Variants in MACC1 observed in about 807,000 individuals in gnomAD.
MACC1 encodes metastasis-associated in colon cancer protein 1.
In MACC1, 79 loss-of-function variants were observed where a neutral mutation model predicts 70.7. That is an observed-to-expected ratio of 1.12 (90% CI 0.93 to 1.35). The LOEUF (loss-of-function observed/expected upper bound fraction) is 1.35. Among genes scored for constraint, MACC1 ranks in the 40% most tolerant of loss-of-function variants. The pLI, the probability that MACC1 is intolerant of heterozygous loss-of-function variation, is 0.00. For synonymous variants in MACC1, 361 were observed against 347.2 expected (o/e 1.04, Z -0.44); for missense variants, 1,106 against 978.1 (o/e 1.13, Z -1.74).
At chr7:20,144,573 T>C (rs979390124) in intron 6 of MACC1, among the ~76,000 whole-genome samples, 3 of 152,160 alleles carry the variant, frequency 2.0e-5, no homozygotes, top group Admixed American at 6.5e-5. Flanking sequence ...CCTCATGATG[T>C]ATCTGGCATA....
chr7:20,171,364 G>A (rs936861116), intron 1 of MACC1, among the ~76,000 whole-genome samples: 9 of 150,990 alleles, frequency 6.0e-5, no homozygotes, highest in Admixed American at 2.0e-4. Context: ...CCATTTTCCT[G>A]CCTCAGCCTC....
At chr7:20,197,597 A>C (rs942644942) in intron 1 of MACC1, among the ~76,000 whole-genome samples, 1 of 152,230 alleles carries the variant, frequency 6.6e-6, no homozygotes, top group Non-Finnish European at 1.5e-5. Flanking sequence ...CCTACTCACA[A>C]TAAACTTGGA....
At chr7:20,154,442 A>C in intron 5 of MACC1, 61 bp from the exon 6 acceptor site, 1 of 1,498,808 alleles carries the variant, frequency 6.7e-7, no homozygotes. Context: ...CTCTCTATAA[A>C]TTGGAATTTT....
chr7:20,165,694 AT>A (rs34149819), intron 2 of MACC1, among the ~76,000 whole-genome samples: 45 of 148,988 alleles, frequency 3.0e-4, no homozygotes, highest in East Asian at 5.9e-4. Flanking sequence ...CCAAAACAGG[AT>A]TTTTTTTTTT....
At chr7:20,174,696 A>G (rs552274740) in intron 1 of MACC1, among the ~76,000 whole-genome samples, 2 of 152,276 alleles carry the variant, frequency 1.3e-5, no homozygotes, top group African/African-American at 4.8e-5. Context: ...TAAAAAGGAA[A>G]ATATAAAGCA....
Position 20,161,847 on chromosome 7 carries a change from T to C in MACC1, c.16A>G (p.Arg6Gly). The change falls in exon 4 of 7, where the codon AGA becomes GGA. Residue 6 changes from arginine to glycine, a missense_variant. Physicochemically the swap from Arg to Gly is moderately radical, Grantham distance 125. Transcript: ENST00000400331. Reference sequence around the variant, plus strand: ...ATTCTTCCTGACCGAAAATGTTTTCTTTCAGTGATTAGCATTTTTCCACCT... The same window carrying C: ...ATTCTTCCTGACCGAAAATGTTTTCCTTCAGTGATTAGCATTTTTCCACCT... Reference protein sequence around the residue: MLITERKHFRSGRIAQ... With the variant: MLITEGKHFRSGRIAQ... The C allele has an allele frequency of 6.2e-7, 1 of 1,610,386 alleles. No individual in the cohort carries two copies. The highest frequency in any genetic ancestry group is 1.1e-5 in the South Asian group (1 of 90,952).
rs1297951878 is a variant in MACC1, at chr7:20,137,330, A to C, written c.*3616T>G. On this transcript the variant is annotated 3_prime_UTR_variant, in exon 7 of 7. Coordinates refer to ENST00000400331, the MANE Select transcript of MACC1 (RefSeq NM_182762.4). ...CTTCCAGAAACCTAGTCATCCCCAA[A>C]CTGAGAACTTTATATAGTATGTTCT... 1 of 152,158 alleles carries C rather than the reference A, an allele frequency of 6.6e-6. No homozygotes were observed. Among genetic ancestry groups the C allele is most frequent in the Non-Finnish European group, 1.5e-5 (1 of 68,028 alleles). The allele number at this position is 152,158 out of a possible 1,614,324, so 9.4% of individuals were successfully genotyped here.
chr7:20,185,729 C>T (rs1460730311), intron 1 of MACC1, among the ~76,000 whole-genome samples: 2 of 152,148 alleles, frequency 1.3e-5, no homozygotes, highest in African/African-American at 4.8e-5. Flanking sequence ...TCTTCAGAAA[C>T]TTACAATAGC....
chr7:20,137,573 A>C lies in MACC1; in HGVS notation c.*3373T>G, dbSNP rs1781734852. 1 of 152,238 alleles carries C rather than the reference A, an allele frequency of 6.6e-6. No individual in the cohort carries two copies. The highest frequency in any genetic ancestry group is 2.1e-4 in the South Asian group (1 of 4,836). 9.4% of individuals were successfully genotyped at this position (152,238 alleles called of 1,614,324 possible). A position where few individuals can be genotyped will look rare whatever the true frequency, so the allele number is the denominator to read the frequency against. On this transcript the variant is annotated 3_prime_UTR_variant, in exon 7 of 7. Coordinates refer to ENST00000400331, the MANE Select transcript of MACC1 (RefSeq NM_182762.4). ...CATCATTAGACAAAAAGCCTGAGGA[A>C]CTGAAAGAACCATGTAAACATTTTC...
chr7:20,197,868 T>C (rs559016317), intron 1 of MACC1, among the ~76,000 whole-genome samples: 24 of 152,344 alleles, frequency 1.6e-4, no homozygotes, highest in African/African-American at 5.3e-4. Flanking sequence ...CTACCATGTA[T>C]TGTTTTTATT....
chr7:20,183,710 CT>C (rs59702885), intron 1 of MACC1, among the ~76,000 whole-genome samples: 126 of 140,522 alleles, frequency 9.0e-4, no homozygotes, highest in Middle Eastern at 3.6e-3. Context: ...CTGATTCTAA[CT>C]TTTTTTTTTT....
chr7:20,164,000 G>A (rs1782175059), intron 3 of MACC1, among the ~76,000 whole-genome samples: 1 of 152,150 alleles, frequency 6.6e-6, no homozygotes, highest in African/African-American at 2.4e-5. Context: ...ACAGTGGTGT[G>A]ATCTCAGCTC....
At chr7:20,200,791 T>C (rs1009025296) in intron 1 of MACC1, among the ~76,000 whole-genome samples, 2 of 152,194 alleles carry the variant, frequency 1.3e-5, no homozygotes, top group African/African-American at 2.4e-5. Context: ...TTCATGCCTA[T>C]TCTCTGCTTC....
chr7:20,195,941 T>C (rs1181339917), intron 1 of MACC1, among the ~76,000 whole-genome samples: 1 of 152,168 alleles, frequency 6.6e-6, no homozygotes, highest in African/African-American at 2.4e-5. Context: ...ATTCTGTCAG[T>C]CTTGTGATCT....
At chr7:20,148,132 C>T (rs922185595) in intron 6 of MACC1, among the ~76,000 whole-genome samples, 1 of 152,098 alleles carries the variant, frequency 6.6e-6, no homozygotes, top group Non-Finnish European at 1.5e-5. Context: ...TAAGCTATCA[C>T]CTTTCTTTAG....
Position 20,160,023 on chromosome 7 carries a change from A to G in MACC1, c.338T>C (p.Phe113Ser). 1.9e-6 allele frequency: 3 copies of G among 1,611,496 alleles called. No homozygotes were observed. Among genetic ancestry groups the G allele is most frequent in the Non-Finnish European group, 2.5e-6 (3 of 1,179,234 alleles). The change falls in exon 5 of 7, where the codon TTT becomes TCT. Residue 113 changes from phenylalanine (F) to serine (S), a missense_variant. By Grantham distance (155) the Phe-to-Ser change is radical (BLOSUM62 -2). Transcript: ENST00000400331. Reference protein sequence around the residue: ...FCREIENGNSFDSSGDELDVH... With the variant: ...FCREIENGNSSDSSGDELDVH... ...ATCAAGTTCATCACCGGAGGAATCA[A>G]AAGAATTTCCATTTTCTATTTCTCT...
At chr7:20,146,497 G>T (rs146449479) in intron 6 of MACC1, among the ~76,000 whole-genome samples, 1 of 152,076 alleles carries the variant, frequency 6.6e-6, no homozygotes, top group African/African-American at 2.4e-5. Flanking sequence ...AAATTACAAA[G>T]AAAATGAAGT....
chr7:20,205,440 G>A (rs1417294523), intron 1 of MACC1, among the ~76,000 whole-genome samples: 5 of 152,050 alleles, frequency 3.3e-5, no homozygotes, highest in Admixed American at 2.6e-4. Context: ...TCTGTGGTGT[G>A]GTCTGATTTG....
intron 6 of MACC1, among the ~76,000 whole-genome samples, chr7:20,152,139 G>A (rs1781988588): frequency 6.6e-6 from 1 of 152,186 alleles, no homozygotes. Context: ...ACAAAGGGAA[G>A]AGAAAGAAGT....
Sources: allele counts gnomAD v4.1 joint callset (sites outside exome capture counted in the v4.1 genomes callset), GRCh38; gene constraint gnomAD v4.1.1; transcripts MANE v1.5; gene names NCBI Gene and HGNC (gene_info 2026-07-23, HGNC 2026-07-21).